Variants in DNMBP observed in about 807,000 individuals in gnomAD.
DNMBP encodes the protein dynamin binding protein.
In DNMBP, 87 loss-of-function variants were observed where a neutral mutation model predicts 150.0. The ratio of observed to expected loss-of-function variants is 0.58; its 90% CI spans 0.49 to 0.69. The LOEUF (loss-of-function observed/expected upper bound fraction) is 0.69, where lower values mean the gene tolerates loss of function less well. Among genes scored for constraint, DNMBP ranks in the 30% least tolerant of loss-of-function variants. DNMBP has a pLI of 0.00. For missense variants in DNMBP, 1,774 were observed against 1,949.0 expected (o/e 0.91, Z 1.69); for synonymous variants, 711 against 750.4 (o/e 0.95, Z 0.86).
intron 4 of DNMBP, among the ~76,000 whole-genome samples, chr10:99,922,598 C>T (rs1194339170): frequency 6.7e-6 from 1 of 150,110 alleles, no homozygotes; most frequent in African/African-American, 2.5e-5. Flanking sequence ...CTCACTGCAG[C>T]CTCAACTTCC....
At chr10:99,902,867 G>T (rs1351183215) in intron 6 of DNMBP, among the ~76,000 whole-genome samples, 3 of 151,384 alleles carry the variant, frequency 2.0e-5, no homozygotes, top group Non-Finnish European at 2.9e-5. Flanking sequence ...GGCAGAGGTT[G>T]TAGTGAGCAG....
At chr10:99,976,530 CT>C in intron 1 of DNMBP, among the ~76,000 whole-genome samples, 1 of 152,246 alleles carries the variant, frequency 6.6e-6, no homozygotes, top group South Asian at 2.1e-4. Flanking sequence ...TGTTTATGAT[CT>C]GCTATGGAGG....
rs77719745 is a variant in DNMBP at position 99,952,995 on chromosome 10, C to G, written c.2260+2219G>C. 8.7e-3 allele frequency among the ~76,000 whole-genome samples: 1,326 copies of G among 152,206 alleles called. 23 individuals are homozygous for G. Among genetic ancestry groups the G allele is most frequent in the African/African-American group, 0.031 (1,274 of 41,516 alleles). ...AAGTTCAAATCTCTGGTACACAAGC[C>G]AAAAGTGACATGTATTCACGTTCTT... On this transcript the variant is annotated intron_variant, in intron 4 of 16. Transcript: ENST00000324109.
Position 99,888,958 on chromosome 10 carries a change from A to G in DNMBP, c.3157-5T>C. 1.2e-6 allele frequency: 2 copies of G among 1,614,128 alleles called. No homozygotes were observed. The highest frequency in any genetic ancestry group is 1.7e-6 in the Non-Finnish European group (2 of 1,179,988). ...CACTTTCACACATGCGGACTCCTGGAGCCAGTTAGGACAGACACAAGTCAG... is the reference window on the plus strand; with the variant it reads ...CACTTTCACACATGCGGACTCCTGGGGCCAGTTAGGACAGACACAAGTCAG... On this transcript the variant is annotated splice_region_variant and splice_polypyrimidine_tract_variant and intron_variant, in intron 11 of 16. Transcript: ENST00000324109.
At chr10:99,913,934 C>T in intron 4 of DNMBP, 1 of 1,316,826 alleles carries the variant, frequency 7.6e-7, no homozygotes, top group Non-Finnish European at 9.8e-7. Context: ...TGTGCTGGCT[C>T]CCACACCCCA....
chr10:99,957,964 T>C (rs2040519705), intron 3 of DNMBP: 1 of 152,056 alleles, frequency 6.6e-6, no homozygotes, highest in African/African-American at 2.4e-5. Flanking sequence ...TGAAACACCA[T>C]CTCTACTAAA....
At chr10:100,001,796 G>C (rs2041016622) in intron 1 of DNMBP, among the ~76,000 whole-genome samples, 1 of 152,162 alleles carries the variant, frequency 6.6e-6, no homozygotes, top group Admixed American at 6.5e-5. Flanking sequence ...AGCAAGTGTG[G>C]TCTAGATAAG....
intron 1 of DNMBP, among the ~76,000 whole-genome samples, chr10:99,997,827 G>A (rs1003270631): frequency 8.6e-5 from 13 of 150,660 alleles, no homozygotes; most frequent in Non-Finnish European, 1.3e-4. Flanking sequence ...ACTTGGGTGG[G>A]TGGGGCACAA....
At chr10:99,960,543 C>T (rs925725717) in intron 3 of DNMBP, among the ~76,000 whole-genome samples, 12 of 152,302 alleles carry the variant, frequency 7.9e-5, no homozygotes, top group African/African-American at 1.9e-4. Flanking sequence ...CGGTGGCTCA[C>T]GCCTGTAATC....
chr10:99,948,737 C>T (rs1307540379), intron 4 of DNMBP, among the ~76,000 whole-genome samples: 3 of 151,968 alleles, frequency 2.0e-5, no homozygotes, highest in Non-Finnish European at 4.4e-5. Context: ...CCAAGGCAGG[C>T]GGATCACTTG....
At position 99,879,863 on chromosome 10, in the gene DNMBP, G is replaced by A. The variant is rs2039335876; in HGVS notation, c.4496C>T (p.Ala1499Val). The change falls in exon 16 of 17, where the codon GCT becomes GTT. Residue 1499 changes from alanine (A) to valine (V), a missense_variant. Coordinates refer to ENST00000324109, the MANE Select transcript of DNMBP (RefSeq NM_015221.4). ...LVKGCARTAQ[A>V]PEDRSTEPDG... ...TGGCTCTGTACTTCTGTCTTCCGGA[G>A]CCTGGGCTGTTCTTGCACATCCTTT... The A allele has an allele frequency of 6.2e-7, 1 of 1,614,216 alleles. No individual in the cohort carries two copies. Among genetic ancestry groups the A allele is most frequent in the East Asian group, 2.2e-5 (1 of 44,890 alleles).
chr10:100,001,289 A>G (rs1179008261), intron 1 of DNMBP, among the ~76,000 whole-genome samples: 2 of 140,512 alleles, frequency 1.4e-5, no homozygotes, highest in African/African-American at 2.6e-5. Context: ...AGAGTGAGAA[A>G]GGAAGGCAGG....
In DNMBP at chr10:99,913,879, G is replaced by T. The variant is rs952884129; in HGVS notation, c.2261-4733C>A. On this transcript the variant is annotated intron_variant, in intron 4 of 16. Transcript: ENST00000324109. ...TTTTGAGCTCCCGGCCAGATCCCAG[G>T]TGCCCTTGAACAGGGACGAAGAGGC... 18 of 1,262,726 alleles carry T rather than the reference G, an allele frequency of 1.4e-5. No individual in the cohort carries two copies. The African/African-American group carries it at 2.6e-4, about 18-fold the overall frequency. The allele number at this position is 1,262,726 out of a possible 1,614,324, so 78.2% of individuals were successfully genotyped here.
chr10:100,001,172 A>T (rs916018039), intron 1 of DNMBP, among the ~76,000 whole-genome samples: 5 of 126,764 alleles, frequency 3.9e-5, no homozygotes, highest in Admixed American at 3.7e-4. Flanking sequence ...TGGAGGTTGC[A>T]GTGAGCCGAG....
intron 1 of DNMBP, among the ~76,000 whole-genome samples, chr10:100,006,744 C>G (rs4919411): frequency 0.11 from 16,649 of 151,332 alleles, 1,231 homozygotes; most frequent in African/African-American, 0.2. Flanking sequence ...ACATGCCAAG[C>G]ATGCTCCTGC....
chr10:99,971,311 TTTCC>T (rs71009794), intron 2 of DNMBP, among the ~76,000 whole-genome samples: 5 of 150,654 alleles, frequency 3.3e-5, no homozygotes, highest in South Asian at 2.1e-4. Context: ...CTTTCTTTTC[TTTCC>T]TTCCTTCCTT....
At chr10:99,923,885 G>T (rs2040049496) in intron 4 of DNMBP, among the ~76,000 whole-genome samples, 1 of 141,468 alleles carries the variant, frequency 7.1e-6, no homozygotes, top group Admixed American at 7.7e-5. Flanking sequence ...TGGGCATAGT[G>T]GCTCACGTCT....
chr10:99,997,882 C>T (rs1589454383), intron 1 of DNMBP, among the ~76,000 whole-genome samples: 1 of 136,864 alleles, frequency 7.3e-6, no homozygotes, highest in South Asian at 2.4e-4. Flanking sequence ...GAGCTGAGAT[C>T]ACGCCACTGC....
chr10:99,991,307 G>A (rs942276505), intron 1 of DNMBP, among the ~76,000 whole-genome samples: 4 of 151,884 alleles, frequency 2.6e-5, no homozygotes, highest in Admixed American at 2.0e-4. Flanking sequence ...TCAAACTCCT[G>A]ACCTCGTGAT....
Sources: allele counts gnomAD v4.1 joint callset (sites outside exome capture counted in the v4.1 genomes callset), GRCh38; gene constraint gnomAD v4.1.1; transcripts MANE v1.5; gene names NCBI Gene and HGNC (gene_info 2026-07-23, HGNC 2026-07-21).